KDM2B: variants seen among roughly 807,000 people sequenced by gnomAD.
The protein encoded by KDM2B is lysine-specific demethylase 2B.
In KDM2B, 26 loss-of-function variants were observed where a neutral mutation model predicts 150.0. The observed-to-expected ratio is 0.17, with a 90% CI of 0.13 to 0.24. KDM2B has a LOEUF of 0.24. Among genes scored for constraint, KDM2B ranks in the 10% least tolerant of loss-of-function variants. The pLI is 1.00. For missense variants in KDM2B, 1,265 were observed against 1,816.9 expected, an observed-to-expected ratio of 0.70 and a Z score of 5.52; for synonymous variants, 734 against 729.5, an observed-to-expected ratio of 1.01 and a Z score of -0.10.
intron 8 of KDM2B, among the ~76,000 whole-genome samples, chr12:121,527,581 G>A (rs1887259732): frequency 6.9e-6 from 1 of 145,336 alleles, no homozygotes; most frequent in Non-Finnish European, 1.5e-5. Flanking sequence ...GTGAACCCAG[G>A]AAGCAGAGCT....
the KDM2B span, chr12:121,418,673 T>C: frequency 1.3e-5 from 2 of 152,102 alleles, no homozygotes; most frequent in African/African-American, 4.8e-5. Flanking sequence ...TGTACCATGA[T>C]TGCAACTGTG....
chr12:121,570,845 TG>T (rs1566431486), intron 4 of KDM2B, among the ~76,000 whole-genome samples: 1 of 152,228 alleles, frequency 6.6e-6, no homozygotes, highest in African/African-American at 2.4e-5. Context: ...TGAAGATGCA[TG>T]TTCAACAAAA....
intron 4 of KDM2B, among the ~76,000 whole-genome samples, chr12:121,555,636 A>T (rs982211125): frequency 6.6e-6 from 1 of 152,052 alleles, no homozygotes. Flanking sequence ...GCCTCCCAAA[A>T]TGTCTGAGAT....
intron 6 of KDM2B, among the ~76,000 whole-genome samples, chr12:121,545,637 C>T (rs941415155): frequency 5.3e-5 from 8 of 152,136 alleles, no homozygotes; most frequent in Admixed American, 5.2e-4. Flanking sequence ...TCTCCCTGCC[C>T]GTCACTCCCA....
At chr12:121,475,969 G>A (rs1419395670) in intron 12 of KDM2B, among the ~76,000 whole-genome samples, 2 of 150,880 alleles carry the variant, frequency 1.3e-5, no homozygotes, top group Non-Finnish European at 2.9e-5. Flanking sequence ...TTTGAGACCA[G>A]CCTGAGCAAT....
chr12:121,555,432 G>A (rs1889817873), intron 4 of KDM2B, among the ~76,000 whole-genome samples: 1 of 152,136 alleles, frequency 6.6e-6, no homozygotes, highest in African/African-American at 2.4e-5. Flanking sequence ...GAGTGCAGTG[G>A]CACGATCTCA....
At chr12:121,580,167 A>ACG in intron 1 of KDM2B, 1 of 1,408,834 alleles carries the variant, frequency 7.1e-7, no homozygotes, top group Non-Finnish European at 9.2e-7. Context: ...AAATAAAGCA[A>ACG]GCCAGAGCCG....
At chr12:121,542,703 C>T (rs1888705096) in intron 6 of KDM2B, among the ~76,000 whole-genome samples, 1 of 152,186 alleles carries the variant, frequency 6.6e-6, no homozygotes, top group South Asian at 2.1e-4. Flanking sequence ...TGCATTCCTG[C>T]AGGGTACAGA....
In KDM2B at chr12:121,533,070, G is replaced by A; in HGVS notation, c.778-111C>T. 9.3e-7 allele frequency: 1 copy of A among 1,073,118 alleles called. No homozygotes were observed. Among genetic ancestry groups the A allele is most frequent in the Non-Finnish European group, 1.4e-6 (1 of 734,158 alleles). The allele number at this position is 1,073,118 out of a possible 1,614,324, so 66.5% of individuals were successfully genotyped here. On this transcript the variant is annotated intron_variant, in intron 7 of 22. Coordinates refer to ENST00000377071, the MANE Select transcript of KDM2B (RefSeq NM_032590.5). The surrounding 1 kb of genome is among the most constrained non-coding windows in gnomAD (Gnocchi z 4.1). ...AGGGGGCGAGACAAGCTGTGTGTGG[G>A]GTGGGGGGTGTGGAGAGATGGCAGA... is the stretch of plus-strand genomic sequence containing the variant.
the KDM2B span, among the ~76,000 whole-genome samples, chr12:121,410,175 A>G: frequency 6.6e-6 from 1 of 151,656 alleles, no homozygotes; most frequent in African/African-American, 2.4e-5. Context: ...AAAAGGAATT[A>G]TGTTCATTTC....
chr12:121,509,541 C>G, intron 11 of KDM2B, 26 bp downstream of exon 11: 1 of 1,605,454 alleles, frequency 6.2e-7, no homozygotes, highest in South Asian at 1.1e-5. Flanking sequence ...CTCGGCCGCC[C>G]AGCCCCAGAC....
At chr12:121,489,685 C>T (rs191439130) in intron 12 of KDM2B, among the ~76,000 whole-genome samples, 27 of 152,298 alleles carry the variant, frequency 1.8e-4, no homozygotes, top group African/African-American at 5.3e-4. Flanking sequence ...AGTGATCCAC[C>T]TGCCTCAGCC....
At chr12:121,568,646 C>A (rs1486398722) in intron 4 of KDM2B, among the ~76,000 whole-genome samples, 1 of 152,088 alleles carries the variant, frequency 6.6e-6, no homozygotes, top group African/African-American at 2.4e-5. Flanking sequence ...CGAAACTCAT[C>A]CAAGGGGCTA....
In KDM2B at chr12:121,468,271, C is replaced by G. The variant is rs1442242583; in HGVS notation, c.1735-14927G>C. The G allele has an allele frequency of 6.6e-6, 1 of 152,224 alleles. No individual in the cohort carries two copies. The highest frequency in any genetic ancestry group is 2.4e-5 in the African/African-American group (1 of 41,434). The allele number at this position is 152,224 out of a possible 1,614,324, so 9.4% of individuals were successfully genotyped here. A position where few individuals can be genotyped will look rare whatever the true frequency, so the allele number is the denominator to read the frequency against. ...TAGTGCTCACTCCAGCTGCAGCCCA[C>G]TCCTGAAGAAAAGTGTTGCTAGAAA... On this transcript the variant is annotated intron_variant, in intron 12 of 22. Transcript: ENST00000377071. The surrounding 1 kb of genome is among the most constrained non-coding windows in gnomAD (Gnocchi z 4.0).
At chr12:121,546,378 C>CTTTTTTT (rs1566402100) in intron 6 of KDM2B, among the ~76,000 whole-genome samples, 1 of 92,484 alleles carries the variant, frequency 1.1e-5, no homozygotes, top group African/African-American at 6.1e-5. Context: ...TTTTTTTTTG[C>CTTTTTTT]CTTTTTTTTT....
Position 121,429,866 on chromosome 12 carries a change from G to A in KDM2B, c.*422C>T, listed in dbSNP as rs1555285002. 1.0e-5 allele frequency: 6 copies of A among 571,672 alleles called. No individual in the cohort carries two copies. The highest frequency in any genetic ancestry group is 5.6e-5 in the African/African-American group (3 of 53,608). 35.4% of individuals were successfully genotyped at this position (571,672 alleles called of 1,614,324 possible). ...CAAAACCAACCAAACAAAAAAAAGT[G>A]TCAAGACGGCAGCAGATGTGGTGTG... On this transcript the variant is annotated 3_prime_UTR_variant, in exon 23 of 23. Coordinates refer to ENST00000377071, the MANE Select transcript of KDM2B (RefSeq NM_032590.5).
intron 21 of KDM2B, 115 bp from the exon 22 acceptor site, chr12:121,440,190 G>A: frequency 2.9e-6 from 2 of 691,614 alleles, no homozygotes; most frequent in Non-Finnish European, 4.9e-6. Flanking sequence ...ATTTCATTTA[G>A]TTATAAACTG....
chr12:121,446,230 C>G (rs914818910), intron 13 of KDM2B, among the ~76,000 whole-genome samples: 3 of 152,212 alleles, frequency 2.0e-5, no homozygotes, highest in South Asian at 4.1e-4. Context: ...CCCGTCTCTA[C>G]TAAAAATACA....
chr12:121,439,676 G>A (rs912031766), intron 22 of KDM2B, among the ~76,000 whole-genome samples, 181 bp downstream of exon 22: 4 of 152,140 alleles, frequency 2.6e-5, no homozygotes, highest in South Asian at 2.1e-4. Context: ...TACCGCACCC[G>A]GCCAACAGTA....
Sources: allele counts gnomAD v4.1 joint callset (sites outside exome capture counted in the v4.1 genomes callset), GRCh38; gene constraint gnomAD v4.1.1; non-coding constraint Gnocchi (gnomAD v3.1); transcripts MANE v1.5; gene names NCBI Gene and HGNC (gene_info 2026-07-23, HGNC 2026-07-21).